The following DAPK1 variants were observed in gnomAD, a reference collection of about 807,000 sequenced individuals.
DAPK1 encodes the protein death-associated protein kinase 1.
A neutral mutation model predicts 144.9 loss-of-function variants in DAPK1; 56 were observed. The observed-to-expected ratio is 0.39, with a 90% confidence interval of 0.31 to 0.48. DAPK1 has a LOEUF of 0.48. Among genes scored for constraint, DAPK1 ranks in the 20% least tolerant of loss-of-function variants. The pLI is 0.95. For missense variants in DAPK1, 1,454 were observed against 1,875.4 expected, an observed-to-expected ratio of 0.78 and a Z score of 4.15; for synonymous variants, 690 against 749.0, an observed-to-expected ratio of 0.92 and a Z score of 1.29.
intron 2 of DAPK1, among the ~76,000 whole-genome samples, chr9:87,535,246 T>C (rs1237915332): frequency 6.6e-6 from 1 of 152,062 alleles, no homozygotes; most frequent in Admixed American, 6.5e-5. Flanking sequence ...TTTCGTTCTC[T>C]TTAAGGATGG....
At chr9:87,629,792 A>G (rs542622343) in intron 3 of DAPK1, among the ~76,000 whole-genome samples, 1 of 152,226 alleles carries the variant, frequency 6.6e-6, no homozygotes, top group Admixed American at 6.5e-5. Flanking sequence ...CTGCTGTCCT[A>G]CCTATAGGGC....
chr9:87,671,410 T>C (rs750869663), intron 19 of DAPK1, among the ~76,000 whole-genome samples: 1 of 151,856 alleles, frequency 6.6e-6, no homozygotes, highest in Non-Finnish European at 1.5e-5. Context: ...TAGAAAAAAC[T>C]ATAAAATACA....
At chr9:87,511,779 C>T (rs566700444) in intron 2 of DAPK1, among the ~76,000 whole-genome samples, 6 of 151,588 alleles carry the variant, frequency 4.0e-5, no homozygotes, top group Admixed American at 1.3e-4. Flanking sequence ...GGCGCGATCT[C>T]GGCTCACTGC....
At chr9:87,690,320 A>G (rs947751063) in intron 21 of DAPK1, among the ~76,000 whole-genome samples, 1 of 152,046 alleles carries the variant, frequency 6.6e-6, no homozygotes, top group African/African-American at 2.4e-5. Context: ...TTTTTGATGT[A>G]TAGAAAGGCT....
chr9:87,681,294 A>T, intron 19 of DAPK1, 110 bp from the exon 20 acceptor site: 1 of 698,358 alleles, frequency 1.4e-6, no homozygotes, highest in Non-Finnish European at 2.5e-6. Flanking sequence ...AGAAAAAAAG[A>T]AACATATCTT....
intron 21 of DAPK1, among the ~76,000 whole-genome samples, chr9:87,692,325 A>C (rs545229102): frequency 6.6e-6 from 1 of 151,972 alleles, no homozygotes; most frequent in South Asian, 2.1e-4. Context: ...TTTTCATGGA[A>C]TATCTTTTTG....
intron 3 of DAPK1, among the ~76,000 whole-genome samples, chr9:87,626,045 A>G (rs912761888): frequency 1.3e-5 from 2 of 152,226 alleles, no homozygotes; most frequent in African/African-American, 4.8e-5. Context: ...CAGATGACCA[A>G]TCTTGCCACT....
intron 2 of DAPK1, among the ~76,000 whole-genome samples, chr9:87,570,032 A>G (rs186504910): frequency 1.3e-5 from 2 of 152,288 alleles, no homozygotes; most frequent in African/African-American, 4.8e-5. Context: ...GACAAAAGCA[A>G]TGTGTGTTTT....
At chr9:87,695,034 T>C (rs1433739265) in intron 21 of DAPK1, among the ~76,000 whole-genome samples, 1 of 151,958 alleles carries the variant, frequency 6.6e-6, no homozygotes, top group Non-Finnish European at 1.5e-5. Flanking sequence ...CATTTTGCTC[T>C]CTTAAAAGTT....
At chr9:87,530,123 A>T (rs1587691645) in intron 2 of DAPK1, among the ~76,000 whole-genome samples, 1 of 152,244 alleles carries the variant, frequency 6.6e-6, no homozygotes, top group East Asian at 1.9e-4. Flanking sequence ...GAAAAAGCAC[A>T]GCCTAATCTT....
intron 2 of DAPK1, among the ~76,000 whole-genome samples, chr9:87,590,611 C>T (rs983702946): frequency 1.3e-5 from 2 of 151,620 alleles, no homozygotes. Context: ...TTTTTTGAGA[C>T]AGGTCTCACT....
intron 16 of DAPK1, 125 bp downstream of exon 16, chr9:87,650,243 T>C: frequency 1.2e-6 from 1 of 863,590 alleles, no homozygotes; most frequent in East Asian, 2.7e-5. Context: ...AATTACCCCG[T>C]CTCTTCTCTG....
intron 2 of DAPK1, among the ~76,000 whole-genome samples, chr9:87,513,940 A>G (rs937427232): frequency 6.6e-6 from 1 of 152,086 alleles, no homozygotes; most frequent in Non-Finnish European, 1.5e-5. Flanking sequence ...TTAGGATAGG[A>G]TATTTATAAT....
At chr9:87,542,977 A>G (rs1443810079) in intron 2 of DAPK1, among the ~76,000 whole-genome samples, 2 of 152,240 alleles carry the variant, frequency 1.3e-5, no homozygotes, top group Non-Finnish European at 2.9e-5. Context: ...TTAGCGTACT[A>G]TAGACTGCAT....
At chr9:87,592,389 C>G (rs1043433281) in intron 2 of DAPK1, among the ~76,000 whole-genome samples, 3 of 152,224 alleles carry the variant, frequency 2.0e-5, no homozygotes, top group Admixed American at 6.5e-5. Flanking sequence ...CTAAAGCCCC[C>G]CAGTGATGAT....
At chr9:87,509,305 AATAAT>A (rs1182384277) in intron 2 of DAPK1, among the ~76,000 whole-genome samples, 1 of 152,190 alleles carries the variant, frequency 6.6e-6, no homozygotes, top group Non-Finnish European at 1.5e-5. Flanking sequence ...ATTACCTTAA[AATAAT>A]ATTTCATTGG....
At chr9:87,506,396 T>G (rs12347691) in intron 2 of DAPK1, among the ~76,000 whole-genome samples, 2,226 of 152,344 alleles carry the variant, frequency 0.015, 50 homozygotes, top group African/African-American at 0.051. Context: ...CTTCTTTCCT[T>G]TTCCAAATGG....
Position 87,507,495 on chromosome 9 carries a change from G to A in DAPK1, c.62+8356G>A, listed in dbSNP as rs1035007656. ...GTTGGGATTACAGGCATGAGCCACC[G>A]CATCTGGTGTTCACGGGGCTTTTAC... On this transcript the variant is annotated intron_variant, in intron 2 of 25. Transcript: ENST00000408954. Among the ~76,000 whole-genome samples the A allele has an allele frequency of 7.9e-5, 12 of 152,302 alleles. No homozygotes were observed. The South Asian group carries it at 2.3e-3, about 29-fold the overall frequency.
chr9:87,638,348 T>G (rs1829975733), intron 4 of DAPK1, among the ~76,000 whole-genome samples: 1 of 152,218 alleles, frequency 6.6e-6, no homozygotes, highest in Non-Finnish European at 1.5e-5. Flanking sequence ...GGAGCCAGGT[T>G]TTTTAGTAAG....
Sources: gnomAD v4.1 joint callset for allele counts (sites outside exome capture counted in the v4.1 genomes callset) on GRCh38, gnomAD v4.1.1 for gene constraint, MANE v1.5 for transcripts, NCBI Gene and HGNC (gene_info 2026-07-23, HGNC 2026-07-21) for gene names.